PCBP3: variants seen among roughly 807,000 people sequenced by gnomAD.
The protein encoded by PCBP3 is poly(rC)-binding protein 3.
In PCBP3, 25 loss-of-function variants were observed where a neutral mutation model predicts 52.7. The ratio of observed to expected loss-of-function variants is 0.47; its 90% CI spans 0.35 to 0.66. The LOEUF (loss-of-function observed/expected upper bound fraction) is 0.66, where lower values mean the gene tolerates loss of function less well. Ranked by LOEUF, PCBP3 falls within the 30% of genes least tolerant of loss-of-function variation. The probability of loss-of-function intolerance (pLI) is 0.01; values close to 1 mark genes in which losing one functional copy is unlikely to be tolerated. For missense variants in PCBP3, 391 were observed against 490.3 expected, an observed-to-expected ratio of 0.80 and a Z score of 1.91; for synonymous variants, 162 against 183.0, an observed-to-expected ratio of 0.89 and a Z score of 0.93.
At chr21:45,854,490 T>A (rs1014243433) in intron 5 of PCBP3, among the ~76,000 whole-genome samples, 3 of 152,200 alleles carry the variant, frequency 2.0e-5, no homozygotes, top group Non-Finnish European at 4.4e-5. Flanking sequence ...TAGGGACCGC[T>A]ACACGTGGAA....
intron 4 of PCBP3, among the ~76,000 whole-genome samples, chr21:45,759,284 T>G (rs1018736441): frequency 6.6e-6 from 1 of 152,228 alleles, no homozygotes; most frequent in Non-Finnish European, 1.5e-5. Flanking sequence ...TAAAGCAATT[T>G]GGGCCTGGAG....
At chr21:45,662,936 G>C (rs927006344) in intron 1 of PCBP3, among the ~76,000 whole-genome samples, 1 of 152,118 alleles carries the variant, frequency 6.6e-6, no homozygotes, top group Admixed American at 6.5e-5. Flanking sequence ...GTTTAGAAAA[G>C]ACTCTACTAC....
At chr21:45,852,587 T>C (rs9981711) in intron 5 of PCBP3, among the ~76,000 whole-genome samples, 77 of 120,288 alleles carry the variant, frequency 6.4e-4, no homozygotes, top group East Asian at 3.0e-3. Context: ...CCTGCAGCCA[T>C]GCTGATTTTT....
chr21:45,678,248 G>T (rs560714701), intron 2 of PCBP3, among the ~76,000 whole-genome samples: 3 of 151,752 alleles, frequency 2.0e-5, no homozygotes, highest in Admixed American at 1.3e-4. Context: ...GGAGCTTGCA[G>T]TGAGCCGAGA....
chr21:45,786,493 G>A (rs537499465), intron 4 of PCBP3, among the ~76,000 whole-genome samples: 4 of 152,194 alleles, frequency 2.6e-5, no homozygotes, highest in Admixed American at 6.5e-5. Context: ...GTTTCACCAC[G>A]TTTCCCAGGC....
Position 45,940,119 on chromosome 21 carries a change from G to A in PCBP3, c.999G>A (p.Thr333=), listed in dbSNP as rs200546887. The change falls in exon 17 of 18, where the codon ACG becomes ACA. Residue 333 remains threonine (T), a synonymous_variant. Coordinates refer to ENST00000681687, the MANE Select transcript of PCBP3 (RefSeq NM_001384156.1). The part of the protein sequence containing the change: ...SGAQIKIANA[T]EGSSERQITI... ...CTCAGATCAAAATCGCCAACGCCAC[G>A]GAAGGGTCCTCAGAGCGTCAGATCA... 6.0e-4 allele frequency: 962 copies of A among 1,614,160 alleles called. No homozygotes were observed. Among genetic ancestry groups the A allele is most frequent in the Non-Finnish European group, 6.9e-4 (810 of 1,180,008 alleles).
At chr21:45,881,764 CTG>C (rs1288838388) in intron 5 of PCBP3, among the ~76,000 whole-genome samples, 8 of 152,230 alleles carry the variant, frequency 5.3e-5, no homozygotes, top group African/African-American at 1.9e-4. Flanking sequence ...CCCTCTGCTT[CTG>C]TGAGATGCAC....
In PCBP3 at chr21:45,805,442, CT is replaced by C. The variant is rs2092462640; in HGVS notation, c.-125-44517del. Among the ~76,000 whole-genome samples, 1 of 152,116 alleles carries C rather than the reference CT, an allele frequency of 6.6e-6. No homozygotes were observed. The highest frequency in any genetic ancestry group is 2.1e-4 in the South Asian group (1 of 4,830). On this transcript the variant is annotated intron_variant, in intron 4 of 17. Coordinates refer to ENST00000681687, the MANE Select transcript of PCBP3 (RefSeq NM_001384156.1). The surrounding 1 kb of genome is among the most constrained non-coding windows in gnomAD (Gnocchi z 4.6). ...CGGAGGTGGCCATGGGCAGCCCTTC[CT>C]TCTGGAGCCCCCTGTCTTCCCTTAT... is the stretch of plus-strand genomic sequence containing the variant.
intron 4 of PCBP3, among the ~76,000 whole-genome samples, chr21:45,820,538 C>G (rs2093102106): frequency 1.3e-5 from 2 of 152,166 alleles, no homozygotes; most frequent in South Asian, 4.1e-4. Flanking sequence ...TGTGCGTGGC[C>G]TTGACCTGGT....
At chr21:45,701,478 T>C (rs530061135) in intron 2 of PCBP3, among the ~76,000 whole-genome samples, 1 of 152,380 alleles carries the variant, frequency 6.6e-6, no homozygotes, top group South Asian at 2.1e-4. Flanking sequence ...AACACAGATA[T>C]TTTAAAATTA....
At chr21:45,806,990 A>G (rs1020952162) in intron 4 of PCBP3, among the ~76,000 whole-genome samples, 5 of 152,132 alleles carry the variant, frequency 3.3e-5, no homozygotes, top group Admixed American at 6.6e-5. Flanking sequence ...TTAATTTTAT[A>G]TTTGTGTTGC....
chr21:45,722,196 C>A (rs1327713630), intron 2 of PCBP3, among the ~76,000 whole-genome samples: 1 of 152,054 alleles, frequency 6.6e-6, no homozygotes, highest in Non-Finnish European at 1.5e-5. Context: ...AGGAATGATC[C>A]ATGACATGAA....
chr21:45,768,215 GCCCTGCGTGGGCCTTTGCTGATGCT>G (rs1478218491), intron 4 of PCBP3, among the ~76,000 whole-genome samples: 1 of 152,248 alleles, frequency 6.6e-6, no homozygotes, highest in African/African-American at 2.4e-5. Context: ...CTGAGGCCTA[GCCCTGCGTGGGCCTTTGCTGATGCT>G]CCCTGCGTGG....
chr21:45,871,990 C>T (rs528922802), intron 5 of PCBP3: 1 of 152,380 alleles, frequency 6.6e-6, no homozygotes, highest in South Asian at 2.1e-4. Context: ...ATTTGGGGGC[C>T]CACATGCATG....
chr21:45,784,058 G>A (rs1603423515), intron 4 of PCBP3, among the ~76,000 whole-genome samples: 1 of 152,202 alleles, frequency 6.6e-6, no homozygotes, highest in South Asian at 2.1e-4. Context: ...AGTGAATAGT[G>A]TAAGCAGTGG....
chr21:45,850,138 G>C, intron 5 of PCBP3, 43 bp downstream of exon 5: 1 of 1,510,960 alleles, frequency 6.6e-7, no homozygotes, highest in Non-Finnish European at 9.0e-7. Flanking sequence ...TGTTTACCAA[G>C]AGTGTATATA....
intron 4 of PCBP3, among the ~76,000 whole-genome samples, chr21:45,797,394 G>A (rs2091981331): frequency 9.1e-6 from 1 of 110,190 alleles, no homozygotes; most frequent in Non-Finnish European, 1.9e-5. Flanking sequence ...ATAGTTGAGT[G>A]CGTGGATCTG....
intron 5 of PCBP3, among the ~76,000 whole-genome samples, chr21:45,874,108 G>A (rs904143642): frequency 1.1e-4 from 16 of 152,240 alleles, no homozygotes; most frequent in Non-Finnish European, 2.1e-4. Context: ...GATCACAGGC[G>A]TGAGCCACCG....
intron 4 of PCBP3, among the ~76,000 whole-genome samples, chr21:45,798,089 C>T (rs1273708269): frequency 7.5e-6 from 1 of 133,934 alleles, no homozygotes; most frequent in African/African-American, 2.9e-5. Flanking sequence ...ATGCATGGAT[C>T]CTTAGAGAGA....
Sources: allele counts gnomAD v4.1 joint callset (sites outside exome capture counted in the v4.1 genomes callset), GRCh38; gene constraint gnomAD v4.1.1; non-coding constraint Gnocchi (gnomAD v3.1); transcripts MANE v1.5; gene names NCBI Gene and HGNC (gene_info 2026-07-23, HGNC 2026-07-21).